The following ASPM variants were observed in gnomAD, a reference collection of about 807,000 sequenced individuals.
ASPM encodes the protein abnormal spindle-like microcephaly-associated protein.
Under a neutral mutation model 366.4 loss-of-function variants are expected in ASPM, and 256 were observed. The ratio of observed to expected loss-of-function variants is 0.70; its 90% CI spans 0.63 to 0.77. ASPM has a LOEUF of 0.77. Among genes scored for constraint, ASPM ranks in the 30% least tolerant of loss-of-function variants. The pLI, the probability that ASPM is intolerant of heterozygous loss-of-function variation, is 0.00. For synonymous variants in ASPM, 1,414 were observed against 1,342.9 expected, an observed-to-expected ratio of 1.05 and a Z score of -1.16; for missense variants, 4,146 against 4,090.4, an observed-to-expected ratio of 1.01 and a Z score of -0.37.
intron 22 of ASPM, 127 bp from the exon 23 acceptor site, chr1:197,091,168 C>A (rs1656774489): frequency 1.1e-6 from 1 of 886,720 alleles, no homozygotes; most frequent in East Asian, 2.7e-5. Context: ...CAGCTTTCCA[C>A]AGAGGCATTA....
chr1:197,096,019 T>C lies in ASPM; in HGVS notation c.8966A>G (p.Tyr2989Cys), dbSNP rs149690383. ...TTACCGTGTTCTCTCTAGTTTGGTATAGAAGCAACCTTGAATAATTTTAAC... is the reference window on the plus strand; with the variant it reads ...TTACCGTGTTCTCTCTAGTTTGGTACAGAAGCAACCTTGAATAATTTTAAC... ...KAVKIIQGCFYTKLERTRFLN... is the reference protein window; with the variant it reads ...KAVKIIQGCFCTKLERTRFLN... The change falls in exon 19 of 28, where the codon TAT (tyrosine) becomes TGT (cysteine). Residue 2989 changes from tyrosine (Y) to cysteine (C), a missense_variant. Coordinates refer to ENST00000367409, the MANE Select transcript of ASPM (RefSeq NM_018136.5). The C allele has an allele frequency of 2.6e-4, 424 of 1,608,976 alleles. No homozygotes were observed. The highest frequency in any genetic ancestry group is 3.4e-4 in the Non-Finnish European group (398 of 1,176,376).
At chr1:197,086,214 T>C (rs969782063) in intron 27 of ASPM, among the ~76,000 whole-genome samples, 1 of 149,756 alleles carries the variant, frequency 6.7e-6, no homozygotes, top group Non-Finnish European at 1.5e-5. Flanking sequence ...GTATAGAGAA[T>C]TGCTAAGTCT....
intron 25 of ASPM, among the ~76,000 whole-genome samples, chr1:197,088,669 CATAAA>C (rs1656676893): frequency 6.6e-6 from 1 of 151,970 alleles, no homozygotes; most frequent in Non-Finnish European, 1.5e-5. Context: ...TAAAGTTTCA[CATAAA>C]ATAAATCAAA....
chr1:197,117,044 T>G (rs1399171233), intron 17 of ASPM, among the ~76,000 whole-genome samples: 1 of 152,112 alleles, frequency 6.6e-6, no homozygotes, highest in Non-Finnish European at 1.5e-5. Context: ...ATATTTTTAT[T>G]TTGGGTAATT....
At position 197,146,364 on chromosome 1, in the gene ASPM, C is replaced by G. The variant is rs1246832077; in HGVS notation, c.74G>C (p.Arg25Pro). 6.2e-7 allele frequency: 1 copy of G among 1,608,852 alleles called. No individual in the cohort carries two copies. The highest frequency in any genetic ancestry group is 8.5e-7 in the Non-Finnish European group (1 of 1,178,600). ...PTERRPPAGLRGPAAEEEASS... is the reference protein window; with the variant it reads ...PTERRPPAGLPGPAAEEEASS... ...CGCCTCCTCCTCGGCCGCGGGGCCC[C>G]GCAGCCCCGCGGGCGGCCTCCGCTC... Residue 25 changes from arginine to proline, a missense_variant, in exon 1 of 28, where the codon CGG becomes CCG. Arg to Pro is a moderately radical substitution (Grantham distance 103). Transcript: ENST00000367409.
At chr1:197,123,397 T>C (rs1657977879) in intron 13 of ASPM, among the ~76,000 whole-genome samples, 1 of 152,160 alleles carries the variant, frequency 6.6e-6, no homozygotes, top group Non-Finnish European at 1.5e-5. Context: ...ATACTGCAAC[T>C]ACTAATTTTG....
chr1:197,094,940 A>G (rs1016525496), intron 19 of ASPM, among the ~76,000 whole-genome samples: 7 of 151,784 alleles, frequency 4.6e-5, no homozygotes, highest in Middle Eastern at 3.4e-3. Flanking sequence ...GTATCTTTAT[A>G]TGCTTTTTAA....
At chr1:197,106,147 T>TGACC (rs945354978) in intron 17 of ASPM, among the ~76,000 whole-genome samples, 3 of 151,970 alleles carry the variant, frequency 2.0e-5, no homozygotes, top group Non-Finnish European at 4.4e-5. Flanking sequence ...TATCCATGGG[T>TGACC]GAGGAAGCTT....
intron 8 of ASPM, 87 bp from the exon 9 acceptor site, chr1:197,129,404 T>G (rs1658194848): frequency 7.0e-7 from 1 of 1,433,516 alleles, no homozygotes; most frequent in East Asian, 2.4e-5. Context: ...TAATAAGGTG[T>G]TAGTAAAACA....
intron 4 of ASPM, chr1:197,139,190 A>G: frequency 1.0e-6 from 1 of 966,548 alleles, no homozygotes; most frequent in Admixed American, 1.8e-5. Context: ...TAACGAAGTC[A>G]CAGTGATTTT....
intron 5 of ASPM, among the ~76,000 whole-genome samples, chr1:197,134,566 C>T (rs1033902863): frequency 6.6e-6 from 1 of 152,224 alleles, no homozygotes; most frequent in African/African-American, 2.4e-5. Flanking sequence ...TTTTCCTTAT[C>T]TTCAGCTGAA....
At chr1:197,113,768 A>G (rs1381197606) in intron 17 of ASPM, among the ~76,000 whole-genome samples, 1 of 152,216 alleles carries the variant, frequency 6.6e-6, no homozygotes, top group African/African-American at 2.4e-5. Context: ...ACGCTCTTTT[A>G]TAAATCCACA....
intron 22 of ASPM, 56 bp from the exon 23 acceptor site, chr1:197,091,097 AT>A (rs1656771193): frequency 3.9e-6 from 5 of 1,277,580 alleles, no homozygotes; most frequent in East Asian, 5.0e-5. Context: ...TTTTAAAAAA[AT>A]ATACAAATAT....
At position 197,102,311 on chromosome 1, in the gene ASPM, C is replaced by A; in HGVS notation, c.6940G>T (p.Ala2314Ser). Residue 2314 changes from alanine (A) to serine (S), a missense_variant, in exon 18 of 28, where the codon GCA becomes TCA. Coordinates refer to ENST00000367409, the MANE Select transcript of ASPM (RefSeq NM_018136.5). Reference protein sequence around the residue: ...HHLQFLQVQNAVIKIQSSYRR... With the variant: ...HHLQFLQVQNSVIKIQSSYRR... The stretch of plus-strand genomic sequence containing the variant: ...TATGATGACTGGATTTTAATAACTG[C>A]ATTTTGTACCTGAAGGAACTGTAAG... 1 of 1,612,726 alleles carries A rather than the reference C, an allele frequency of 6.2e-7. No homozygotes were observed. The highest frequency in any genetic ancestry group is 8.5e-7 in the Non-Finnish European group (1 of 1,179,250).
chr1:197,142,589 A>G lies in ASPM; in HGVS notation c.1663T>C (p.Ser555Pro). 6.2e-7 allele frequency: 1 copy of G among 1,613,434 alleles called. No individual in the cohort carries two copies. The highest frequency in any genetic ancestry group is 8.5e-7 in the Non-Finnish European group (1 of 1,179,456). ...LPIIDPILSK[S>P]KSYKNEVTPS... ...GTTACCTCGTTTTTATAACTCTTAG[A>G]TTTACTTAATATTGGATCTATAATT... The change falls in exon 3 of 28, where the codon TCT becomes CCT. Residue 555 changes from serine to proline, a missense_variant. Coordinates refer to ENST00000367409, the MANE Select transcript of ASPM (RefSeq NM_018136.5).
At chr1:197,119,850 G>C (rs959742213) in intron 16 of ASPM, among the ~76,000 whole-genome samples, 3 of 152,076 alleles carry the variant, frequency 2.0e-5, no homozygotes, top group Non-Finnish European at 4.4e-5. Context: ...CATAATAAAA[G>C]TTTGAGCCAC....
chr1:197,102,253 T>C lies in ASPM; in HGVS notation c.6998A>G (p.Glu2333Gly). Reference protein sequence around the residue: ...RRWMIRKRMREMHRAATFIQS... With the variant: ...RRWMIRKRMRGMHRAATFIQS... ...GATGAAAGTAGCAGCCCTGTGCATC[T>C]CTCGCATCCTTTTCCTTATCATCCA... is the stretch of plus-strand genomic sequence containing the variant. Residue 2333 changes from glutamate (E) to glycine (G), a missense_variant, in exon 18 of 28, where the codon GAG becomes GGG. Physicochemically the swap from Glu to Gly is moderately conservative, Grantham distance 98. Around this residue, in one of 3 missense-constraint regions of ASPM, gnomAD observed 3,624 missense variants for 3,591.7 expected, o/e 1.01. Transcript: ENST00000367409. The C allele has an allele frequency of 6.2e-7, 1 of 1,612,866 alleles. No individual in the cohort carries two copies. Among genetic ancestry groups the C allele is most frequent in the Non-Finnish European group, 8.5e-7 (1 of 1,179,314 alleles).
At chr1:197,120,433 G>A (rs959344799) in intron 16 of ASPM, among the ~76,000 whole-genome samples, 14 of 152,198 alleles carry the variant, frequency 9.2e-5, no homozygotes, top group Non-Finnish European at 2.1e-4. Context: ...AGGAGGCTGA[G>A]GCACAAGAAT....
rs772942182 is a variant in ASPM, at chr1:197,145,583, T to A, written c.297+558A>T. On this transcript the variant is annotated intron_variant, in intron 1 of 27. Transcript: ENST00000367409. ...GGGTACATATGGAAACTAAAATGCA[T>A]ATTAAGATGGCTGATAGAAATTTTA... Among the ~76,000 whole-genome samples the A allele has an allele frequency of 5.5e-4, 84 of 152,014 alleles. 1 individual carries two copies. Among genetic ancestry groups the A allele is most frequent in the Non-Finnish European group, 1.6e-4 (11 of 67,998 alleles).
Sources: allele counts gnomAD v4.1 joint callset (sites outside exome capture counted in the v4.1 genomes callset), GRCh38; gene constraint gnomAD v4.1.1; regional missense constraint gnomAD v4.1.1; transcripts MANE v1.5; gene names NCBI Gene and HGNC (gene_info 2026-07-23, HGNC 2026-07-21).